LMLN: variants seen among roughly 807,000 people sequenced by gnomAD.
The protein encoded by LMLN is leishmanolysin like peptidase.
LMLN carries 70 observed loss-of-function variants against 92.3 expected under a neutral mutation model. That is an observed-to-expected ratio of 0.76 (90% CI 0.63 to 0.92). LMLN has a LOEUF of 0.92. Among genes scored for constraint, LMLN ranks in the 40% least tolerant of loss-of-function variants. The pLI is 0.00. For missense variants in LMLN, 691 were observed against 814.6 expected (o/e 0.85, Z 1.85); for synonymous variants, 308 against 296.2 (o/e 1.04, Z -0.41).
intron 11 of LMLN, chr3:198,003,077 A>G: frequency 6.4e-7 from 1 of 1,551,620 alleles, no homozygotes; most frequent in Non-Finnish European, 8.7e-7. Context: ...ATGGGCTGTG[A>G]CTTTGTCAGG....
chr3:198,030,361 G>T (rs1054149580), intron 14 of LMLN, among the ~76,000 whole-genome samples: 2 of 152,182 alleles, frequency 1.3e-5, no homozygotes, highest in African/African-American at 4.8e-5. Flanking sequence ...GGACTATGCA[G>T]ACGTGGCGCC....
intron 13 of LMLN, among the ~76,000 whole-genome samples, chr3:198,024,417 A>T (rs535977894): frequency 6.6e-5 from 10 of 152,162 alleles, no homozygotes; most frequent in Admixed American, 2.0e-4. Context: ...GGGTTTCACC[A>T]CGTTAGCCAG....
intron 11 of LMLN, among the ~76,000 whole-genome samples, chr3:198,013,691 C>T (rs1290142379): frequency 4.8e-5 from 6 of 124,798 alleles, no homozygotes; most frequent in Non-Finnish European, 4.9e-5. Context: ...CTCCACCCTT[C>T]AGAGCCCCCT....
At chr3:197,995,649 T>G (rs550657004) in intron 9 of LMLN, among the ~76,000 whole-genome samples, 6 of 152,270 alleles carry the variant, frequency 3.9e-5, no homozygotes, top group African/African-American at 1.4e-4. Context: ...TTTTTCTTTT[T>G]TTTTGAGATC....
chr3:198,041,213 G>A (rs1171924934), exon 16 of LMLN: 1 of 152,180 alleles, frequency 6.6e-6, no homozygotes. Flanking sequence ...TTTTAAATGG[G>A]AGGTATTTGT....
chr3:198,038,414 CTT>C lies in LMLN; in HGVS notation c.1868-148_1868-147del, dbSNP rs1379122320. 3 of 576,022 alleles carry C rather than the reference CTT, an allele frequency of 5.2e-6. No individual in the cohort carries two copies. In the African/African-American group the frequency reaches 5.6e-5, roughly 11 times the overall value. 35.7% of individuals were successfully genotyped at this position (576,022 alleles called of 1,614,324 possible). On this transcript the variant is annotated intron_variant, in intron 15 of 15. Transcript: ENST00000330198. Reference sequence around the variant, plus strand: ...TCCTCCATTAAAAAAGAAACAAAAACTTTTTTATACCTGGGTTTTGCTCTTGA... The same window carrying C: ...TCCTCCATTAAAAAAGAAACAAAAACTTTTATACCTGGGTTTTGCTCTTGA...
chr3:198,037,696 T>C (rs959930597), intron 15 of LMLN, among the ~76,000 whole-genome samples: 5 of 152,186 alleles, frequency 3.3e-5, no homozygotes, highest in African/African-American at 1.2e-4. Context: ...GGGCAACTCA[T>C]CCTAAAATAA....
At chr3:197,969,588 C>A in intron 1 of LMLN, among the ~76,000 whole-genome samples, 1 of 152,042 alleles carries the variant, frequency 6.6e-6, no homozygotes, top group East Asian at 1.9e-4. Flanking sequence ...TTTACCAGTT[C>A]TTTTATGTCT....
chr3:197,961,341 G>A (rs562543752), intron 1 of LMLN, among the ~76,000 whole-genome samples: 12 of 152,184 alleles, frequency 7.9e-5, no homozygotes, highest in Non-Finnish European at 1.0e-4. Context: ...CTGGGGCAGG[G>A]CTGCATGCTG....
At chr3:197,990,785 G>A (rs1721845682) in intron 9 of LMLN, 109 bp downstream of exon 9, 1 of 578,150 alleles carries the variant, frequency 1.7e-6, no homozygotes, top group Non-Finnish European at 3.1e-6. Context: ...AGAGCCTATA[G>A]TAGGAAAAGT....
intron 5 of LMLN, 45 bp downstream of exon 5, chr3:197,976,760 T>C: frequency 1.0e-6 from 1 of 984,562 alleles, no homozygotes; most frequent in Non-Finnish European, 1.5e-6. Context: ...CTGAGGAGAT[T>C]TTGAATTTGT....
chr3:198,015,051 C>G (rs199613907), intron 11 of LMLN, among the ~76,000 whole-genome samples: 6,434 of 142,720 alleles, frequency 0.045, 236 homozygotes, highest in African/African-American at 0.078. Context: ...TCTGACTTCT[C>G]TCCACCCTTC....
intron 1 of LMLN, among the ~76,000 whole-genome samples, chr3:197,971,836 T>C (rs1721232501): frequency 6.6e-6 from 1 of 152,140 alleles, no homozygotes; most frequent in Non-Finnish European, 1.5e-5. Context: ...ATTTTTTAGC[T>C]GTTATTTCTT....
At position 198,036,027 on chromosome 3, in the gene LMLN, C is replaced by G. The variant is rs1480754466; in HGVS notation, c.1851C>G (p.Thr617=). 4 of 1,613,244 alleles carry G rather than the reference C, an allele frequency of 2.5e-6. No individual in the cohort carries two copies. In the African/African-American group the frequency reaches 5.3e-5, roughly 22 times the overall value. The change falls in exon 15 of 16, where the codon ACC becomes ACG. Residue 617 remains threonine, a synonymous_variant. Coordinates refer to ENST00000330198, the Ensembl canonical transcript of LMLN. ...CAGATCCTCCAGCCACTAACCTGAC[C>G]CGAGCTCTGCCACTTGGTGAGTGCT...
At chr3:197,970,333 G>C (rs548806991) in intron 1 of LMLN, among the ~76,000 whole-genome samples, 1 of 152,110 alleles carries the variant, frequency 6.6e-6, no homozygotes, top group Non-Finnish European at 1.5e-5. Context: ...AGGTGGCCTC[G>C]CTAGATTCAG....
chr3:197,966,689 G>A (rs1721070582), intron 1 of LMLN, among the ~76,000 whole-genome samples: 1 of 151,876 alleles, frequency 6.6e-6, no homozygotes, highest in Non-Finnish European at 1.5e-5. Flanking sequence ...TGTCAAATCA[G>A]CCTTGCATTC....
At chr3:198,035,361 G>GTTTTTTTT (rs10679322) in intron 14 of LMLN, among the ~76,000 whole-genome samples, 2 of 117,714 alleles carry the variant, frequency 1.7e-5, no homozygotes, top group African/African-American at 3.6e-5. Context: ...CCCTCTTTTG[G>GTTTTTTTT]TTTTTTTTTT....
At chr3:198,034,600 G>C (rs1723161451) in intron 14 of LMLN, among the ~76,000 whole-genome samples, 1 of 152,084 alleles carries the variant, frequency 6.6e-6, no homozygotes, top group Non-Finnish European at 1.5e-5. Context: ...AACAGAGTGA[G>C]ACTTGGTCTA....
At chr3:197,960,225 G>A in exon 1 of LMLN, 4 of 1,606,916 alleles carry the variant, frequency 2.5e-6, no homozygotes, top group East Asian at 2.2e-5. Context: ...GCACTCCATG[G>A]TAACGACGCT....
Sources: allele counts gnomAD v4.1 joint callset (sites outside exome capture counted in the v4.1 genomes callset), GRCh38; gene constraint gnomAD v4.1.1; transcripts MANE v1.5; gene names NCBI Gene and HGNC (gene_info 2026-07-23, HGNC 2026-07-21).